The following SBF2 variants were observed in gnomAD, a reference collection of about 807,000 sequenced individuals.
SBF2 encodes SET binding factor 2, also known as myotubularin-related protein 13.
A neutral mutation model predicts 225.2 loss-of-function variants in SBF2; 112 were observed. The ratio of observed to expected loss-of-function variants is 0.50; its 90% confidence interval spans 0.43 to 0.58. The LOEUF is 0.58. Among genes scored for constraint, SBF2 ranks in the 20% least tolerant of loss-of-function variants. The pLI is 0.00. For synonymous variants in SBF2, 763 were observed against 773.3 expected (o/e 0.99, Z 0.22); for missense variants, 1,996 against 2,206.2 (o/e 0.90, Z 1.91).
chr11:10,285,334 A>G (rs4366477), intron 1 of SBF2, among the ~76,000 whole-genome samples: 73,999 of 150,606 alleles, frequency 0.49, 18,525 homozygotes, highest in Non-Finnish European at 0.54. Flanking sequence ...GGAAGGCAAG[A>G]GAAGGAAGAG....
At chr11:10,243,592 A>C (rs72850415) in intron 1 of SBF2, among the ~76,000 whole-genome samples, 8,155 of 152,098 alleles carry the variant, frequency 0.054, 301 homozygotes, top group Middle Eastern at 0.14. Context: ...AAACAAAAGA[A>C]GACTCAAAAT....
chr11:10,020,906 A>G (rs931645430), intron 6 of SBF2, among the ~76,000 whole-genome samples: 7 of 143,210 alleles, frequency 4.9e-5, no homozygotes, highest in Admixed American at 1.6e-4. Context: ...AAACTTTTTT[A>G]AGAACTTTAA....
At chr11:9,901,106 T>C (rs377451594) in intron 16 of SBF2, among the ~76,000 whole-genome samples, 6 of 152,274 alleles carry the variant, frequency 3.9e-5, no homozygotes, top group African/African-American at 1.2e-4. Context: ...TGAAAGGCAA[T>C]TTTTCTAAAA....
chr11:10,101,107 G>A (rs899891922), intron 2 of SBF2, among the ~76,000 whole-genome samples: 1 of 152,180 alleles, frequency 6.6e-6, no homozygotes, highest in Non-Finnish European at 1.5e-5. Flanking sequence ...CACAAGTTCA[G>A]CAGGCCTAAC....
intron 16 of SBF2, among the ~76,000 whole-genome samples, chr11:9,936,655 G>T (rs551966000): frequency 6.6e-6 from 1 of 152,298 alleles, no homozygotes; most frequent in East Asian, 1.9e-4. Flanking sequence ...CCTATGCAGG[G>T]ATATGGATGA....
At chr11:10,004,840 C>T (rs1397066294) in intron 6 of SBF2, among the ~76,000 whole-genome samples, 4 of 152,182 alleles carry the variant, frequency 2.6e-5, no homozygotes, top group Middle Eastern at 3.2e-3. Context: ...AAGAATGCAA[C>T]CTTTTGTCTC....
intron 20 of SBF2, 132 bp from the exon 21 acceptor site, chr11:9,852,881 A>G: frequency 1.4e-6 from 1 of 736,664 alleles, no homozygotes. Context: ...AATTACCATT[A>G]TGACCCAGCA....
chr11:9,859,182 T>A (rs1160564793), intron 17 of SBF2, among the ~76,000 whole-genome samples: 1 of 152,238 alleles, frequency 6.6e-6, no homozygotes, highest in Non-Finnish European at 1.5e-5. Context: ...CCAAAACCCC[T>A]GCTCTTTTTA....
chr11:10,013,061 C>T (rs1020014867), intron 6 of SBF2, among the ~76,000 whole-genome samples: 22 of 152,168 alleles, frequency 1.4e-4, no homozygotes, highest in Admixed American at 1.4e-3. Flanking sequence ...AGTATGCTTT[C>T]AGTTTCAGAC....
At chr11:10,110,587 T>C (rs1025564418) in intron 2 of SBF2, among the ~76,000 whole-genome samples, 5 of 152,308 alleles carry the variant, frequency 3.3e-5, no homozygotes, top group African/African-American at 7.2e-5. Context: ...CTGGATCTAA[T>C]TGTATGGTCT....
At chr11:9,879,065 G>T (rs918614679) in intron 17 of SBF2, among the ~76,000 whole-genome samples, 1 of 152,200 alleles carries the variant, frequency 6.6e-6, no homozygotes, top group Admixed American at 6.5e-5. Flanking sequence ...AAGGGAATTT[G>T]CTGAGTTACT....
At chr11:10,202,466 A>C (rs1010472193) in intron 1 of SBF2, among the ~76,000 whole-genome samples, 2 of 152,192 alleles carry the variant, frequency 1.3e-5, no homozygotes, top group African/African-American at 4.8e-5. Context: ...TAATTCAGTA[A>C]TTCTCCCACT....
intron 6 of SBF2, among the ~76,000 whole-genome samples, chr11:10,016,131 G>A (rs776971977): frequency 6.6e-6 from 1 of 151,980 alleles, no homozygotes; most frequent in Non-Finnish European, 1.5e-5. Flanking sequence ...AAGGATAACC[G>A]ATTTACAAGT....
chr11:10,255,296 T>C (rs1265315295), intron 1 of SBF2, among the ~76,000 whole-genome samples: 1 of 152,240 alleles, frequency 6.6e-6, no homozygotes, highest in Non-Finnish European at 1.5e-5. Flanking sequence ...AGATTAGCTA[T>C]TTCTCAATGT....
At chr11:10,228,751 T>A (rs1219186798) in intron 1 of SBF2, among the ~76,000 whole-genome samples, 1 of 152,222 alleles carries the variant, frequency 6.6e-6, no homozygotes, top group Non-Finnish European at 1.5e-5. Context: ...TTTGCATCAA[T>A]GTTCATCAAG....
chr11:9,969,303 G>A (rs1275750232), intron 13 of SBF2, among the ~76,000 whole-genome samples: 3 of 152,148 alleles, frequency 2.0e-5, no homozygotes, highest in African/African-American at 4.8e-5. Flanking sequence ...CAATACAACA[G>A]TCTCCTAGTC....
intron 16 of SBF2, among the ~76,000 whole-genome samples, chr11:9,918,318 T>C (rs1863285916): frequency 6.6e-6 from 1 of 151,978 alleles, no homozygotes; most frequent in African/African-American, 2.4e-5. Context: ...TATTTTTAGC[T>C]TTCCCATGTC....
chr11:10,093,998 G>T (rs1951897091), intron 2 of SBF2, among the ~76,000 whole-genome samples: 1 of 152,208 alleles, frequency 6.6e-6, no homozygotes, highest in Non-Finnish European at 1.5e-5. Flanking sequence ...ATAAAATTTG[G>T]AAAGTACTTC....
At chr11:9,817,945 CTTTAT>C (rs879360401) in intron 28 of SBF2, among the ~76,000 whole-genome samples, 8 of 151,780 alleles carry the variant, frequency 5.3e-5, no homozygotes, top group African/African-American at 1.2e-4. Context: ...AAGCCTATAT[CTTTAT>C]TTTATTTTTT....
Sources: allele counts gnomAD v4.1 joint callset (sites outside exome capture counted in the v4.1 genomes callset), GRCh38; gene constraint gnomAD v4.1.1; transcripts MANE v1.5; gene names NCBI Gene and HGNC (gene_info 2026-07-23, HGNC 2026-07-21).